The following OR7E24 variants were observed in gnomAD, a reference collection of about 807,000 sequenced individuals.
OR7E24 encodes the protein olfactory receptor 7E24.
For synonymous variants in OR7E24, 130 were observed against 157.5 expected (o/e 0.83, Z 1.31); for missense variants, 385 against 410.3 (o/e 0.94, Z 0.53).
At chr19:9,233,206 A>C in the OR7E24 span, among the ~76,000 whole-genome samples, 2 of 152,200 alleles carry the variant, frequency 1.3e-5, no homozygotes, top group Non-Finnish European at 2.9e-5. Context: ...TTCGTCTTCT[A>C]TGATGTTTTT....
the OR7E24 span, among the ~76,000 whole-genome samples, chr19:9,217,071 C>A: frequency 1.3e-5 from 2 of 152,202 alleles, no homozygotes; most frequent in African/African-American, 4.8e-5. Context: ...GATCCCTATG[C>A]TTCCCTGCTT....
chr19:9,247,485 G>C, upstream of OR7E24: 1 of 398,722 alleles, frequency 2.5e-6, no homozygotes, highest in Non-Finnish European at 4.4e-6. Flanking sequence ...TACTCTCCAT[G>C]GTCATGGCCC....
chr19:9,233,967 G>C, the OR7E24 span, among the ~76,000 whole-genome samples: 3 of 148,932 alleles, frequency 2.0e-5, no homozygotes, highest in Non-Finnish European at 4.4e-5. Flanking sequence ...GCAGTGGCAC[G>C]ATATCAGCTC....
chr19:9,230,684 A>G, the OR7E24 span, among the ~76,000 whole-genome samples: 2 of 152,160 alleles, frequency 1.3e-5, no homozygotes, highest in African/African-American at 2.4e-5. Flanking sequence ...GACTTCAAAT[A>G]TTACTAAAGA....
At chr19:9,243,344 ATT>A (rs58510880), upstream of OR7E24, among the ~76,000 whole-genome samples, 3,143 of 138,882 alleles carry the variant, frequency 0.023, 56 homozygotes, top group African/African-American at 0.052. Flanking sequence ...TTGCTCTGGC[ATT>A]TTTTTTTTTT....
the OR7E24 span, among the ~76,000 whole-genome samples, chr19:9,228,678 C>T: frequency 1.3e-5 from 2 of 152,180 alleles, no homozygotes; most frequent in African/African-American, 4.8e-5. Flanking sequence ...GGTTCTTTCA[C>T]CAGGACAAAA....
the OR7E24 span, among the ~76,000 whole-genome samples, chr19:9,221,146 C>A: frequency 1.3e-5 from 2 of 150,914 alleles, no homozygotes; most frequent in Non-Finnish European, 3.0e-5. Context: ...GTGGCGGGCG[C>A]CTGTAGTCCC....
In OR7E24 at chr19:9,252,351, T is replaced by G. The variant is rs1050158560; in HGVS notation, c.*288T>G. 2.4e-5 allele frequency: 5 copies of G among 206,470 alleles called. No homozygotes were observed. The highest frequency in any genetic ancestry group is 1.2e-4 in the African/African-American group (5 of 43,434). 12.8% of individuals were successfully genotyped at this position (206,470 alleles called of 1,614,324 possible). On this transcript the variant is annotated 3_prime_UTR_variant, in exon 1 of 1. Coordinates refer to ENST00000456448, the MANE Select transcript of OR7E24 (RefSeq NM_001079935.2). ...ATAGACTTGAAATCCTCACTTAACTTTGTCAAGAGGTTTTTGGAAACTGCA... is the reference window on the plus strand; with the variant it reads ...ATAGACTTGAAATCCTCACTTAACTGTGTCAAGAGGTTTTTGGAAACTGCA...
chr19:9,242,959 T>C (rs956712034), upstream of OR7E24, among the ~76,000 whole-genome samples: 2 of 152,124 alleles, frequency 1.3e-5, no homozygotes, highest in Non-Finnish European at 2.9e-5. Flanking sequence ...TTATTTGACC[T>C]TTATTTCCCA....
the OR7E24 span, chr19:9,235,551 A>G: frequency 3.2e-5 from 49 of 1,553,914 alleles, no homozygotes; most frequent in South Asian, 5.6e-5. Flanking sequence ...TGGTCATCAT[A>G]AACCCCCATC....
chr19:9,212,040 A>G, the OR7E24 span: 3 of 152,120 alleles, frequency 2.0e-5, no homozygotes, highest in Non-Finnish European at 2.9e-5. Context: ...ATTTTTCTTT[A>G]AAAATGTTTT....
Position 9,251,479 on chromosome 19 carries a change from C to T in OR7E24, c.436C>T (p.His146Tyr). Reference sequence around the variant, plus strand: ...CTATGACCGGTTTGTGGCCATCTGTCACCCCCTGCACTACCGAATCATCAT... The same window carrying T: ...CTATGACCGGTTTGTGGCCATCTGTTACCCCCTGCACTACCGAATCATCAT... ...MAYDRFVAICHPLHYRIIMNP... is the reference protein window; with the variant it reads ...MAYDRFVAICYPLHYRIIMNP... Residue 146 changes from histidine to tyrosine, a missense_variant, in exon 1 of 1, where the codon CAC (histidine) becomes TAC (tyrosine). His to Tyr is a moderately conservative substitution (Grantham distance 83). Coordinates refer to ENST00000456448, the MANE Select transcript of OR7E24 (RefSeq NM_001079935.2). The T allele has an allele frequency of 6.2e-7, 1 of 1,614,112 alleles. No individual in the cohort carries two copies. Among genetic ancestry groups the T allele is most frequent in the Non-Finnish European group, 8.5e-7 (1 of 1,180,000 alleles).
At chr19:9,232,418 G>A in the OR7E24 span, among the ~76,000 whole-genome samples, 689 of 151,536 alleles carry the variant, frequency 4.5e-3, 2 homozygotes, top group South Asian at 0.015. Flanking sequence ...TGCGCCTGTA[G>A]TCCCAGCTAT....
upstream of OR7E24, among the ~76,000 whole-genome samples, chr19:9,250,344 C>T (rs2144942487): frequency 6.6e-6 from 1 of 152,304 alleles, no homozygotes; most frequent in Non-Finnish European, 1.5e-5. Context: ...ATCCTCCTGC[C>T]TTGGCCTCCC....
the OR7E24 span, chr19:9,208,034 T>C: frequency 2.3e-5 from 3 of 132,192 alleles, no homozygotes; most frequent in African/African-American, 1.1e-4. Context: ...ACTAGATTAG[T>C]TTCTATTTTT....
chr19:9,225,465 GGAAGGAAGGAAGGAAA>G, the OR7E24 span, among the ~76,000 whole-genome samples: 5 of 136,368 alleles, frequency 3.7e-5, no homozygotes, highest in Admixed American at 7.0e-5. Context: ...AGGGAGGGAG[GGAAGGAAGGAAGGAAA>G]GAAGGAAGGA....
chr19:9,225,299 G>T, the OR7E24 span, among the ~76,000 whole-genome samples: 1 of 151,918 alleles, frequency 6.6e-6, no homozygotes, highest in Non-Finnish European at 1.5e-5. Context: ...GAACCTGGGA[G>T]GCAGAGGTTG....
the OR7E24 span, among the ~76,000 whole-genome samples, chr19:9,224,587 C>A: frequency 6.6e-6 from 1 of 151,890 alleles, no homozygotes; most frequent in Non-Finnish European, 1.5e-5. Context: ...GAAACCCTGT[C>A]TCTACTAAAA....
chr19:9,225,339 C>A, the OR7E24 span, among the ~76,000 whole-genome samples: 1 of 150,064 alleles, frequency 6.7e-6, no homozygotes, highest in Non-Finnish European at 1.5e-5. Context: ...CACTGTTCTC[C>A]AGCCTGGGCA....
Sources: allele counts gnomAD v4.1 joint callset (sites outside exome capture counted in the v4.1 genomes callset), GRCh38; gene constraint gnomAD v4.1.1; transcripts MANE v1.5; gene names NCBI Gene and HGNC (gene_info 2026-07-23, HGNC 2026-07-21).